EYS: variants seen among roughly 807,000 people sequenced by gnomAD.
EYS encodes the protein EGF-like photoreceptor maintenance factor.
Under a neutral mutation model 282.1 loss-of-function variants are expected in EYS, and 250 were observed. That is an observed-to-expected ratio of 0.89 (90% CI 0.80 to 0.98). The LOEUF is 0.98. Ranked by LOEUF, EYS falls within the 50% of genes least tolerant of loss-of-function variation. EYS has a pLI of 0.00. For missense variants in EYS, 4,016 were observed against 3,709.0 expected, an observed-to-expected ratio of 1.08 and a Z score of -2.15; for synonymous variants, 1,355 against 1,282.9, an observed-to-expected ratio of 1.06 and a Z score of -1.20.
chr6:64,172,918 T>C (rs1294170975), intron 31 of EYS, among the ~76,000 whole-genome samples: 3 of 152,120 alleles, frequency 2.0e-5, no homozygotes, highest in African/African-American at 7.2e-5. Context: ...CCTCCCCTTC[T>C]TCCTGCTGGC....
intron 22 of EYS, among the ~76,000 whole-genome samples, chr6:64,774,378 T>C (rs1351468184): frequency 6.6e-6 from 1 of 151,944 alleles, no homozygotes; most frequent in Non-Finnish European, 1.5e-5. Context: ...TTATTTAATG[T>C]TGACTTGCAG....
chr6:64,770,941 A>G (rs1773506502), intron 22 of EYS, among the ~76,000 whole-genome samples: 3 of 151,822 alleles, frequency 2.0e-5, no homozygotes, highest in Admixed American at 2.0e-4. Flanking sequence ...GAGGGATATA[A>G]TATATTGCAA....
chr6:65,037,315 A>G (rs1023820821), intron 13 of EYS, among the ~76,000 whole-genome samples: 1 of 151,750 alleles, frequency 6.6e-6, no homozygotes, highest in Non-Finnish European at 1.5e-5. Flanking sequence ...CTTGAAGGTC[A>G]AGGGTGGGAG....
At chr6:63,826,845 C>CAAAAAAAAAAAAAAAAAAAGAAAAA (rs1771478105) in intron 36 of EYS, among the ~76,000 whole-genome samples, 14 of 76,756 alleles carry the variant, frequency 1.8e-4, no homozygotes, top group South Asian at 4.8e-4. Context: ...AGTTAAAAAG[C>CAAAAAAAAAAAAAAAAAAAGAAAAA]AAAAAAAAAA....
intron 33 of EYS, among the ~76,000 whole-genome samples, chr6:64,060,649 TCTG>T (rs1771135214): frequency 1.3e-5 from 2 of 152,260 alleles, no homozygotes; most frequent in South Asian, 2.1e-4. Flanking sequence ...TTTTAAAAAA[TCTG>T]CACCAATTTA....
Position 64,220,697 on chromosome 6 carries a change from C to A in EYS, c.6424+9895G>T, listed in dbSNP as rs371429613. Among the ~76,000 whole-genome samples, 8 of 152,210 alleles carry A rather than the reference C, an allele frequency of 5.3e-5. No homozygotes were observed. In the East Asian group the frequency reaches 1.5e-3, roughly 29 times the overall value. ...AGTGCCTTTGTTCCTAGTTGTAGTTCCCTTCTGCAAACATCTTTGCATGCT... is the reference window on the plus strand; with the variant it reads ...AGTGCCTTTGTTCCTAGTTGTAGTTACCTTCTGCAAACATCTTTGCATGCT... On this transcript the variant is annotated intron_variant, in intron 31 of 42. Transcript: ENST00000503581.
intron 33 of EYS, among the ~76,000 whole-genome samples, chr6:64,053,444 G>A (rs1159513777): frequency 6.6e-6 from 1 of 152,074 alleles, no homozygotes; most frequent in African/African-American, 2.4e-5. Context: ...AACTTCATTT[G>A]TTGCCTGTAA....
chr6:64,994,657 C>A (rs2150124455), intron 14 of EYS, among the ~76,000 whole-genome samples: 1 of 151,874 alleles, frequency 6.6e-6, no homozygotes, highest in East Asian at 1.9e-4. Flanking sequence ...TTTCTTTTAC[C>A]AATGAGTTAG....
chr6:64,211,223 C>T (rs981557187), intron 31 of EYS, among the ~76,000 whole-genome samples: 1 of 152,124 alleles, frequency 6.6e-6, no homozygotes, highest in Admixed American at 6.6e-5. Context: ...TGCCTAATGA[C>T]ATTACTCCAA....
chr6:64,364,544 T>A (rs1450653622), intron 29 of EYS, among the ~76,000 whole-genome samples: 2 of 151,962 alleles, frequency 1.3e-5, no homozygotes, highest in Non-Finnish European at 2.9e-5. Context: ...TTCTCTTCCC[T>A]GCTAATGGTG....
At chr6:65,455,035 G>A (rs1434736513) in intron 5 of EYS, among the ~76,000 whole-genome samples, 1 of 151,984 alleles carries the variant, frequency 6.6e-6, no homozygotes, top group Non-Finnish European at 1.5e-5. Context: ...TTTCTTTTGT[G>A]AAGAATGTTA....
intron 12 of EYS, among the ~76,000 whole-genome samples, chr6:65,190,749 T>A (rs1227488102): frequency 6.6e-6 from 1 of 151,802 alleles, no homozygotes; most frequent in Non-Finnish European, 1.5e-5. Flanking sequence ...CCAAAACATA[T>A]TTGAATATAA....
At chr6:63,746,425 T>C (rs1769211820) in intron 41 of EYS, among the ~76,000 whole-genome samples, 1 of 152,204 alleles carries the variant, frequency 6.6e-6, no homozygotes, top group African/African-American at 2.4e-5. Context: ...GGTATCAGGA[T>C]GATACTGGCC....
intron 22 of EYS, among the ~76,000 whole-genome samples, chr6:64,736,445 C>G (rs558311189): frequency 6.6e-6 from 1 of 152,166 alleles, no homozygotes; most frequent in East Asian, 1.9e-4. Context: ...TTTCTTAAAA[C>G]AGTCTTTACT....
intron 33 of EYS, among the ~76,000 whole-genome samples, chr6:64,054,920 A>G (rs565840288): frequency 6.6e-6 from 1 of 152,332 alleles, no homozygotes; most frequent in African/African-American, 2.4e-5. Context: ...CTGTAATGCA[A>G]GTGAAGTTTT....
At chr6:64,746,670 T>A (rs561003286) in intron 22 of EYS, among the ~76,000 whole-genome samples, 3 of 152,308 alleles carry the variant, frequency 2.0e-5, no homozygotes, top group African/African-American at 7.2e-5. Flanking sequence ...CTCTTAAGCA[T>A]TTTGAATTGG....
chr6:64,824,052 C>G (rs1764977407), intron 19 of EYS, among the ~76,000 whole-genome samples: 1 of 151,924 alleles, frequency 6.6e-6, no homozygotes, highest in African/African-American at 2.4e-5. Flanking sequence ...TTCCCACTCA[C>G]TCTCCATGAC....
At chr6:64,096,638 A>G (rs1430307266) in intron 31 of EYS, among the ~76,000 whole-genome samples, 6 of 152,246 alleles carry the variant, frequency 3.9e-5, no homozygotes, top group Non-Finnish European at 7.4e-5. Context: ...TGGTTATTCT[A>G]GTTAGCCATT....
At chr6:64,446,491 A>G (rs1472267246) in intron 26 of EYS, among the ~76,000 whole-genome samples, 1 of 152,148 alleles carries the variant, frequency 6.6e-6, no homozygotes, top group Non-Finnish European at 1.5e-5. Context: ...AACACCACAT[A>G]TTACTTTTAA....
Sources: gnomAD v4.1 joint callset for allele counts (sites outside exome capture counted in the v4.1 genomes callset) on GRCh38, gnomAD v4.1.1 for gene constraint, MANE v1.5 for transcripts, NCBI Gene and HGNC (gene_info 2026-07-23, HGNC 2026-07-21) for gene names.